The following HMGCLL1 variants were observed in gnomAD, a reference collection of about 807,000 sequenced individuals.
HMGCLL1 encodes the protein 3-hydroxy-3-methylglutaryl-CoA lyase like 1, also known as 3-hydroxymethyl-3-methylglutaryl-CoA lyase, cytoplasmic.
A neutral mutation model predicts 39.1 loss-of-function variants in HMGCLL1; 36 were observed. The ratio of observed to expected loss-of-function variants is 0.92; its 90% confidence interval spans 0.71 to 1.22. The LOEUF (loss-of-function observed/expected upper bound fraction) is 1.22. HMGCLL1 is among the 50% of genes most tolerant of loss of function. The pLI is 0.00. For synonymous variants in HMGCLL1, 149 were observed against 144.0 expected (o/e 1.03, Z -0.25); for missense variants, 451 against 416.5 (o/e 1.08, Z -0.72).
the HMGCLL1 span, among the ~76,000 whole-genome samples, chr6:55,598,591 T>C: frequency 1.3e-5 from 2 of 152,218 alleles, no homozygotes; most frequent in African/African-American, 2.4e-5. Flanking sequence ...CAGAACCTTA[T>C]AGAAGATCAG....
intron 1 of HMGCLL1, among the ~76,000 whole-genome samples, chr6:55,570,982 A>C (rs547544749): frequency 7.2e-5 from 11 of 152,316 alleles, no homozygotes; most frequent in African/African-American, 2.4e-4. Flanking sequence ...TTATAAAGCC[A>C]TCAGATCTCA....
chr6:55,589,814 G>A, the HMGCLL1 span, among the ~76,000 whole-genome samples: 52 of 151,934 alleles, frequency 3.4e-4, no homozygotes, highest in African/African-American at 1.0e-3. Context: ...TGCTTCAAAG[G>A]GAATAAAATA....
At chr6:55,461,220 T>C (rs533330383) in intron 7 of HMGCLL1, among the ~76,000 whole-genome samples, 14 of 151,082 alleles carry the variant, frequency 9.3e-5, no homozygotes, top group Non-Finnish European at 1.9e-4. Flanking sequence ...GAAGTAAAGA[T>C]TTTTTTTTAT....
At chr6:55,650,114 T>TATATATATATATACACACATATACATAC in the HMGCLL1 span, among the ~76,000 whole-genome samples, 1 of 78,700 alleles carries the variant, frequency 1.3e-5, no homozygotes, top group South Asian at 4.4e-4. Context: ...TATATATATA[T>TATATATATATATACACACATATACATAC]ATATATATAT....
At chr6:55,554,537 C>A (rs1770548013) in intron 1 of HMGCLL1, among the ~76,000 whole-genome samples, 1 of 151,986 alleles carries the variant, frequency 6.6e-6, no homozygotes, top group Non-Finnish European at 1.5e-5. Context: ...ATTCTAATTG[C>A]CACTATAGTT....
intron 7 of HMGCLL1, among the ~76,000 whole-genome samples, chr6:55,444,372 T>C (rs1763726217): frequency 6.6e-6 from 1 of 152,050 alleles, no homozygotes; most frequent in African/African-American, 2.4e-5. Context: ...ATCTTGGTTT[T>C]GTATAGGATA....
the HMGCLL1 span, among the ~76,000 whole-genome samples, chr6:55,590,514 C>T: frequency 3.3e-5 from 5 of 152,078 alleles, no homozygotes; most frequent in African/African-American, 1.2e-4. Flanking sequence ...GTCTAAAACA[C>T]TAAAAGCAAT....
chr6:55,636,721 C>T, the HMGCLL1 span, among the ~76,000 whole-genome samples: 1 of 151,942 alleles, frequency 6.6e-6, no homozygotes, highest in East Asian at 1.9e-4. Flanking sequence ...CAATTACAGG[C>T]AAAATGGTAT....
intron 1 of HMGCLL1, among the ~76,000 whole-genome samples, chr6:55,544,812 G>A (rs1769866785): frequency 6.6e-6 from 1 of 152,082 alleles, no homozygotes; most frequent in African/African-American, 2.4e-5. Context: ...CAACCTAGAA[G>A]AAAAAGAATT....
chr6:55,543,900 A>T (rs2127459945), intron 1 of HMGCLL1, among the ~76,000 whole-genome samples: 1 of 152,140 alleles, frequency 6.6e-6, no homozygotes, highest in East Asian at 1.9e-4. Context: ...TTAAGTTAAA[A>T]GACTATTTCT....
At position 55,478,511 on chromosome 6, in the gene HMGCLL1, G is replaced by C. The variant is rs1020489492; in HGVS notation, c.795+16908C>G. 7.9e-5 allele frequency among the ~76,000 whole-genome samples: 12 copies of C among 151,230 alleles called. No individual in the cohort carries two copies. The East Asian group carries it at 1.9e-3, about 24-fold the overall frequency. On this transcript the variant is annotated intron_variant, in intron 7 of 8. Transcript: ENST00000274901. Reference sequence around the variant, plus strand: ...CTTCTTTGGATTCACAGATTATAAAGGAACAAATATATGTTTTAAAATAAT... The same window carrying C: ...CTTCTTTGGATTCACAGATTATAAACGAACAAATATATGTTTTAAAATAAT...
At chr6:55,605,908 T>C in the HMGCLL1 span, among the ~76,000 whole-genome samples, 1 of 152,186 alleles carries the variant, frequency 6.6e-6, no homozygotes, top group Non-Finnish European at 1.5e-5. Context: ...ATATAGGTGC[T>C]TTGTAATTTC....
the HMGCLL1 span, among the ~76,000 whole-genome samples, chr6:55,663,157 A>AT: frequency 5.4e-5 from 8 of 148,620 alleles, no homozygotes; most frequent in East Asian, 2.0e-4. Flanking sequence ...CATTTTAATG[A>AT]TTTTTTTTCT....
chr6:55,516,615 A>AT lies in HMGCLL1; in HGVS notation c.298-13_298-12insA. 1.9e-6 allele frequency: 3 copies of AT among 1,539,594 alleles called. No homozygotes were observed. Among genetic ancestry groups the AT allele is most frequent in the Non-Finnish European group, 2.7e-6 (3 of 1,120,226 alleles). On this transcript the variant is annotated splice_polypyrimidine_tract_variant and intron_variant, in intron 3 of 8. Transcript: ENST00000274901. ...GTGTGATCAGCCATCTTAAATACAT[A>AT]ATAGTTATATGTAAATGTGTAACTT...
intron 1 of HMGCLL1, among the ~76,000 whole-genome samples, chr6:55,565,790 G>T (rs1380480771): frequency 2.0e-5 from 3 of 151,952 alleles, no homozygotes; most frequent in African/African-American, 4.8e-5. Context: ...AGGGAATGGG[G>T]GCTAAGTGAT....
Position 55,528,669 on chromosome 6 carries a change from C to T in HMGCLL1, c.298-12066G>A, listed in dbSNP as rs545590406. 2.1e-4 allele frequency among the ~76,000 whole-genome samples: 32 copies of T among 150,740 alleles called. 1 individual carries two copies. The highest frequency in any genetic ancestry group is 7.5e-4 in the African/African-American group (31 of 41,158). On this transcript the variant is annotated intron_variant, in intron 3 of 8. Transcript: ENST00000274901. ...TTTTTTTTTCTACCCAATACCCTGT[C>T]TTGGCTGCCAAAGCTAAAATAGACT...
intron 1 of HMGCLL1, among the ~76,000 whole-genome samples, chr6:55,559,233 C>T (rs1434333992): frequency 6.6e-6 from 1 of 152,044 alleles, no homozygotes; most frequent in Non-Finnish European, 1.5e-5. Context: ...AGAGCAAATA[C>T]TACAAATATA....
chr6:55,491,963 T>A (rs1272810218), intron 7 of HMGCLL1, among the ~76,000 whole-genome samples: 2 of 152,090 alleles, frequency 1.3e-5, no homozygotes, highest in African/African-American at 4.8e-5. Context: ...CCCAGAAAGA[T>A]CCCTCAGATC....
At chr6:55,615,322 G>A in the HMGCLL1 span, among the ~76,000 whole-genome samples, 366 of 151,996 alleles carry the variant, frequency 2.4e-3, 1 homozygote, top group Non-Finnish European at 3.2e-3. Context: ...TCTAGAAAGC[G>A]TACACATGAG....
Sources: gnomAD v4.1 joint callset for allele counts (sites outside exome capture counted in the v4.1 genomes callset) on GRCh38, gnomAD v4.1.1 for gene constraint, MANE v1.5 for transcripts, NCBI Gene and HGNC (gene_info 2026-07-23, HGNC 2026-07-21) for gene names.